Variants in ZBTB7C observed in about 807,000 individuals in gnomAD.
The protein encoded by ZBTB7C is zinc finger and BTB domain-containing protein 7C.
A neutral mutation model predicts 25.7 loss-of-function variants in ZBTB7C; 8 were observed. The ratio of observed to expected loss-of-function variants is 0.31; its 90% CI spans 0.18 to 0.56. The LOEUF (loss-of-function observed/expected upper bound fraction) is 0.56, where lower values mean the gene tolerates loss of function less well. ZBTB7C is among the 20% of genes least tolerant of loss of function. The probability of loss-of-function intolerance (pLI) is 0.91; values close to 1 mark genes in which losing one functional copy is unlikely to be tolerated. For synonymous variants in ZBTB7C, 394 were observed against 369.0 expected, an observed-to-expected ratio of 1.07 and a Z score of -0.78; for missense variants, 824 against 855.2, an observed-to-expected ratio of 0.96 and a Z score of 0.46.
At chr18:48,133,827 A>G (rs1160722952) in intron 3 of ZBTB7C, among the ~76,000 whole-genome samples, 2 of 152,098 alleles carry the variant, frequency 1.3e-5, no homozygotes, top group Non-Finnish European at 2.9e-5. Context: ...ATTCATCTCC[A>G]CAGTTCCCAG....
chr18:48,277,973 A>G (rs2044717056), intron 2 of ZBTB7C, among the ~76,000 whole-genome samples: 3 of 152,110 alleles, frequency 2.0e-5, no homozygotes, highest in African/African-American at 7.2e-5. Flanking sequence ...AGAGGTGACA[A>G]TGGTGAGAAG....
chr18:48,155,030 A>C (rs1328234914), intron 3 of ZBTB7C, among the ~76,000 whole-genome samples: 6 of 152,118 alleles, frequency 3.9e-5, no homozygotes, highest in Non-Finnish European at 8.8e-5. Context: ...CTGAATTCTC[A>C]TTAGCAGTCC....
At chr18:48,176,813 G>A (rs1021541554) in intron 3 of ZBTB7C, among the ~76,000 whole-genome samples, 1 of 152,236 alleles carries the variant, frequency 6.6e-6, no homozygotes, top group Non-Finnish European at 1.5e-5. Context: ...TTTGAAAGAT[G>A]CTTTCTTCTC....
chr18:48,328,965 G>C (rs1210279685), intron 2 of ZBTB7C, among the ~76,000 whole-genome samples: 3 of 152,188 alleles, frequency 2.0e-5, no homozygotes, highest in African/African-American at 7.2e-5. Context: ...AAAGCCCAGA[G>C]TGAGTGCTGA....
chr18:48,199,854 A>G (rs1035344706), intron 2 of ZBTB7C, among the ~76,000 whole-genome samples: 3 of 152,208 alleles, frequency 2.0e-5, no homozygotes, highest in Non-Finnish European at 4.4e-5. Context: ...AAGAAGTTCC[A>G]GGCTTGGAGA....
At chr18:48,277,047 A>G (rs1446305032) in intron 2 of ZBTB7C, among the ~76,000 whole-genome samples, 2 of 151,894 alleles carry the variant, frequency 1.3e-5, no homozygotes, top group Non-Finnish European at 2.9e-5. Context: ...AAAACCCTAG[A>G]AGAAAACCTA....
intron 1 of ZBTB7C, among the ~76,000 whole-genome samples, chr18:48,342,247 C>T (rs1598910883): frequency 6.6e-6 from 1 of 152,254 alleles, no homozygotes; most frequent in East Asian, 1.9e-4. Context: ...CACTCAGAAG[C>T]TGCCCACTCA....
chr18:48,401,248 C>T (rs2048150762), intron 1 of ZBTB7C, among the ~76,000 whole-genome samples: 1 of 152,074 alleles, frequency 6.6e-6, no homozygotes, highest in South Asian at 2.1e-4. Flanking sequence ...TTTTTGGCAT[C>T]GATCCTGTCT....
At chr18:48,340,000 G>C (rs1486597605) in intron 1 of ZBTB7C, among the ~76,000 whole-genome samples, 2 of 152,188 alleles carry the variant, frequency 1.3e-5, no homozygotes, top group Non-Finnish European at 2.9e-5. Flanking sequence ...CCCTTCGAAA[G>C]AGCAAAACAA....
At chr18:48,325,010 A>G (rs2046185657) in intron 2 of ZBTB7C, among the ~76,000 whole-genome samples, 1 of 152,216 alleles carries the variant, frequency 6.6e-6, no homozygotes, top group Non-Finnish European at 1.5e-5. Context: ...GGACAGAGTC[A>G]GTTCCCAGGG....
At chr18:48,394,935 C>T (rs995492331) in intron 1 of ZBTB7C, among the ~76,000 whole-genome samples, 9 of 152,108 alleles carry the variant, frequency 5.9e-5, no homozygotes, top group African/African-American at 1.2e-4. Context: ...ACTAACTGGT[C>T]GATTATCCCC....
chr18:48,124,319 G>A (rs1048915725), intron 3 of ZBTB7C, among the ~76,000 whole-genome samples: 2 of 152,218 alleles, frequency 1.3e-5, no homozygotes, highest in Non-Finnish European at 2.9e-5. Flanking sequence ...CTGAGTAGCA[G>A]GTACCTTTCC....
At chr18:48,096,307 C>A (rs2038631067) in intron 3 of ZBTB7C, among the ~76,000 whole-genome samples, 1 of 152,156 alleles carries the variant, frequency 6.6e-6, no homozygotes, top group Non-Finnish European at 1.5e-5. Flanking sequence ...AAGACGGTCA[C>A]AAGCTGAGCT....
chr18:48,271,093 G>C (rs1039980466), intron 2 of ZBTB7C, among the ~76,000 whole-genome samples: 2 of 152,104 alleles, frequency 1.3e-5, no homozygotes, highest in Non-Finnish European at 2.9e-5. Flanking sequence ...AAACCAAGCT[G>C]ATAAAAATCT....
chr18:48,127,709 C>T (rs1362181214), intron 3 of ZBTB7C, among the ~76,000 whole-genome samples: 2 of 152,220 alleles, frequency 1.3e-5, no homozygotes, highest in African/African-American at 4.8e-5. Flanking sequence ...CGACGCTCAG[C>T]TCCTCTCCTC....
At chr18:48,370,440 T>C (rs894559864) in intron 1 of ZBTB7C, among the ~76,000 whole-genome samples, 24 of 152,222 alleles carry the variant, frequency 1.6e-4, no homozygotes, top group South Asian at 1.2e-3. Flanking sequence ...GGGGAACAGT[T>C]AGCTACAAAA....
At chr18:48,329,682 C>T (rs2046301596) in intron 2 of ZBTB7C, among the ~76,000 whole-genome samples, 1 of 152,170 alleles carries the variant, frequency 6.6e-6, no homozygotes, top group African/African-American at 2.4e-5. Flanking sequence ...ACTCTTTGTA[C>T]TCCTTGAAGT....
At chr18:48,073,573 A>G (rs1321335196) in intron 3 of ZBTB7C, among the ~76,000 whole-genome samples, 2 of 152,150 alleles carry the variant, frequency 1.3e-5, no homozygotes, top group Admixed American at 6.5e-5. Flanking sequence ...TTCTGGGCCA[A>G]AGGATTAAAA....
chr18:48,137,324 A>T, intron 3 of ZBTB7C: 1 of 985,446 alleles, frequency 1.0e-6, no homozygotes, highest in Non-Finnish European at 1.2e-6. Context: ...TCTTTGGAAA[A>T]GGTAAAGCAG....
Sources: allele counts gnomAD v4.1 joint callset (sites outside exome capture counted in the v4.1 genomes callset), GRCh38; gene constraint gnomAD v4.1.1; transcripts MANE v1.5; gene names NCBI Gene and HGNC (gene_info 2026-07-23, HGNC 2026-07-21).